AUTS2: variants seen among roughly 807,000 people sequenced by gnomAD.
AUTS2 encodes activator of transcription and developmental regulator AUTS2.
Under a neutral mutation model 112.4 loss-of-function variants are expected in AUTS2, and 17 were observed. The observed-to-expected ratio is 0.15, with a 90% confidence interval of 0.10 to 0.23. The LOEUF (loss-of-function observed/expected upper bound fraction) is 0.23. AUTS2 is among the 10% of genes least tolerant of loss of function. AUTS2 has a pLI of 1.00. For synonymous variants in AUTS2, 751 were observed against 702.7 expected (o/e 1.07, Z -1.09); for missense variants, 1,510 against 1,701.6 (o/e 0.89, Z 1.98).
rs201559855 is a variant in AUTS2, at chr7:70,789,852, A to T, written c.2636A>T (p.His879Leu). 33 of 1,614,040 alleles carry T rather than the reference A, an allele frequency of 2.0e-5. No individual in the cohort carries two copies. Among genetic ancestry groups the T allele is most frequent in the Non-Finnish European group, 4.2e-6 (5 of 1,180,036 alleles). ...TRSSTEQIRA[H>L]LNTEAREKDK... The stretch of plus-strand genomic sequence containing the variant: ...AGCTCCACTGAACAGATCCGGGCTC[A>T]TCTGAACACTGAGGCTCGGGAGAAG... Residue 879 changes from histidine (H) to leucine (L), a missense_variant, in exon 19 of 19, where the codon CAT (histidine) becomes CTT (leucine). Coordinates refer to ENST00000342771, the MANE Select transcript of AUTS2 (RefSeq NM_015570.4).
In AUTS2 at chr7:70,134,210, C is replaced by T. The variant is rs574620176; in HGVS notation, c.625-326C>T. Among the ~76,000 whole-genome samples, 19 of 152,226 alleles carry T rather than the reference C, an allele frequency of 1.2e-4. No homozygotes were observed. The South Asian group carries it at 2.3e-3, about 18-fold the overall frequency. On this transcript the variant is annotated intron_variant, in intron 3 of 18. Coordinates refer to ENST00000342771, the MANE Select transcript of AUTS2 (RefSeq NM_015570.4). ...AGCAAGTCAGGGAGGCAAGCTGATG[C>T]GTGTCTGTTTAGTCTCAGTGCAGGG...
chr7:70,639,616 C>CAAAAAAAAAA (rs5884790), intron 5 of AUTS2, among the ~76,000 whole-genome samples: 5 of 75,054 alleles, frequency 6.7e-5, no homozygotes, highest in African/African-American at 5.7e-5. Context: ...GACCCTGTCT[C>CAAAAAAAAAA]AAAAAAAAAA....
chr7:70,323,504 C>T (rs1400378635), intron 4 of AUTS2, among the ~76,000 whole-genome samples: 1 of 152,072 alleles, frequency 6.6e-6, no homozygotes, highest in East Asian at 1.9e-4. Context: ...CCAGGGCAAA[C>T]TGAGGAAGCA....
intron 4 of AUTS2, among the ~76,000 whole-genome samples, chr7:70,235,857 AC>A (rs1469205567): frequency 6.6e-6 from 1 of 151,840 alleles, no homozygotes; most frequent in Non-Finnish European, 1.5e-5. Context: ...ACGTGATTTC[AC>A]TGTGTTGGCC....
intron 4 of AUTS2, among the ~76,000 whole-genome samples, chr7:70,275,310 G>C (rs1787877571): frequency 6.6e-6 from 1 of 152,112 alleles, no homozygotes; most frequent in African/African-American, 2.4e-5. Flanking sequence ...ACACACAAAA[G>C]GATAAATATT....
intron 4 of AUTS2, among the ~76,000 whole-genome samples, chr7:70,387,363 T>A (rs1793660258): frequency 6.6e-6 from 1 of 152,218 alleles, no homozygotes; most frequent in African/African-American, 2.4e-5. Flanking sequence ...TCCTCCATCG[T>A]GAAGCACTCT....
intron 2 of AUTS2, among the ~76,000 whole-genome samples, chr7:70,022,625 C>G (rs924722079): frequency 1.5e-4 from 23 of 152,066 alleles, no homozygotes; most frequent in African/African-American, 5.3e-4. Context: ...CTGGCCTAAA[C>G]TAATAGATTT....
intron 5 of AUTS2, among the ~76,000 whole-genome samples, chr7:70,619,477 AAG>A (rs1039949460): frequency 6.6e-6 from 1 of 151,940 alleles, no homozygotes; most frequent in African/African-American, 2.4e-5. Flanking sequence ...CCAGGAGAGG[AAG>A]AGAGAGCTGC....
chr7:69,797,406 C>G (rs953807218), intron 1 of AUTS2, among the ~76,000 whole-genome samples: 10 of 152,154 alleles, frequency 6.6e-5, no homozygotes, highest in African/African-American at 2.2e-4. Context: ...TTTTCCAGTG[C>G]CCACTCAGTA....
intron 4 of AUTS2, among the ~76,000 whole-genome samples, chr7:70,227,328 C>A (rs1311975035): frequency 1.8e-4 from 24 of 133,248 alleles, no homozygotes; most frequent in South Asian, 2.4e-4. Flanking sequence ...AAAAAAAAAA[C>A]AACCTTTTTA....
At chr7:69,715,382 C>T (rs187340599) in intron 1 of AUTS2, among the ~76,000 whole-genome samples, 14 of 152,274 alleles carry the variant, frequency 9.2e-5, no homozygotes, top group Admixed American at 8.5e-4. Context: ...AACCAGAAGG[C>T]AATCAAGGAC....
At chr7:70,545,762 G>A (rs1357856373) in intron 5 of AUTS2, among the ~76,000 whole-genome samples, 1 of 152,050 alleles carries the variant, frequency 6.6e-6, no homozygotes, top group Non-Finnish European at 1.5e-5. Flanking sequence ...TACATCTCAG[G>A]GTCTCAGAGC....
chr7:70,210,317 A>G (rs1472283344), intron 4 of AUTS2, among the ~76,000 whole-genome samples: 1 of 152,246 alleles, frequency 6.6e-6, no homozygotes, highest in Non-Finnish European at 1.5e-5. Context: ...TAGATCCTGC[A>G]TAGAAATGCA....
chr7:70,714,420 A>G (rs1434147135), intron 6 of AUTS2, among the ~76,000 whole-genome samples: 1 of 152,090 alleles, frequency 6.6e-6, no homozygotes, highest in Non-Finnish European at 1.5e-5. Context: ...TATAAAAAAG[A>G]ACATTTCTTA....
At chr7:70,301,646 T>C (rs1789219665) in intron 4 of AUTS2, among the ~76,000 whole-genome samples, 1 of 152,160 alleles carries the variant, frequency 6.6e-6, no homozygotes. Context: ...AACTTTCCAG[T>C]CAGTCAATTT....
At chr7:69,694,651 T>C (rs1346430879) in intron 1 of AUTS2, among the ~76,000 whole-genome samples, 2 of 152,176 alleles carry the variant, frequency 1.3e-5, no homozygotes, top group Non-Finnish European at 2.9e-5. Flanking sequence ...TTAAACTCTG[T>C]GGGTTTTCAT....
intron 2 of AUTS2, among the ~76,000 whole-genome samples, chr7:69,965,762 C>T (rs12698827): frequency 0.16 from 23,651 of 152,028 alleles, 1,898 homozygotes; most frequent in South Asian, 0.2. Flanking sequence ...CTCTTTTCTA[C>T]CTCCTCTGTG....
intron 5 of AUTS2, among the ~76,000 whole-genome samples, chr7:70,520,673 T>G (rs1416653000): frequency 6.6e-6 from 1 of 152,248 alleles, no homozygotes; most frequent in Non-Finnish European, 1.5e-5. Flanking sequence ...AAAATTTACA[T>G]GTGAGCACCG....
At position 70,187,775 on chromosome 7, in the gene AUTS2, C is replaced by CTTTTTT. The variant is rs71077627; in HGVS notation, c.660+53220_660+53225dup. On this transcript the variant is annotated intron_variant, in intron 4 of 18. Transcript: ENST00000342771. ...CTGTCAGACATACTCAACTAGTCTT[C>CTTTTTT]TTTTTTTTTTTTTTTTTTTTTGAGA... Among the ~76,000 whole-genome samples the CTTTTTT allele has an allele frequency of 5.2e-3, 576 of 110,178 alleles. 4 individuals are homozygous for CTTTTTT. The highest frequency in any genetic ancestry group is 7.6e-3 in the Middle Eastern group (1 of 132). The allele number at this position is 110,178 out of a possible 152,430, so 72.3% of individuals were successfully genotyped here.
Sources: allele counts gnomAD v4.1 joint callset (sites outside exome capture counted in the v4.1 genomes callset), GRCh38; gene constraint gnomAD v4.1.1; transcripts MANE v1.5; gene names NCBI Gene and HGNC (gene_info 2026-07-23, HGNC 2026-07-21).